Variants in PCED1B observed in about 807,000 individuals in gnomAD.
The protein encoded by PCED1B is PC-esterase domain-containing protein 1B.
For missense variants in PCED1B, 573 were observed against 573.9 expected, an observed-to-expected ratio of 1.00 and a Z score of 0.02; for synonymous variants, 251 against 246.1, an observed-to-expected ratio of 1.02 and a Z score of -0.19.
chr12:47,112,063 C>T (rs1479752728), intron 2 of PCED1B, among the ~76,000 whole-genome samples: 1 of 152,184 alleles, frequency 6.6e-6, no homozygotes, highest in Admixed American at 6.5e-5. Flanking sequence ...CACGCGAGCT[C>T]TGTGCTTGAT....
chr12:47,177,360 T>C (rs182423425), intron 2 of PCED1B, among the ~76,000 whole-genome samples: 25 of 152,286 alleles, frequency 1.6e-4, no homozygotes, highest in African/African-American at 5.8e-4. Flanking sequence ...GAGAGAAATA[T>C]CTCCTCATAT....
At chr12:47,234,598 T>C (rs139472087) in intron 3 of PCED1B, among the ~76,000 whole-genome samples, 97 of 152,314 alleles carry the variant, frequency 6.4e-4, no homozygotes, top group Middle Eastern at 6.8e-3. Context: ...GGGGTCCTCA[T>C]TATCTAACAG....
chr12:47,120,300 A>C (rs1196449870), intron 2 of PCED1B, among the ~76,000 whole-genome samples: 1 of 152,186 alleles, frequency 6.6e-6, no homozygotes, highest in African/African-American at 2.4e-5. Flanking sequence ...ACAAGGAGTA[A>C]CCATATGGTC....
At chr12:47,164,086 G>A (rs893449256) in intron 2 of PCED1B, among the ~76,000 whole-genome samples, 1 of 152,072 alleles carries the variant, frequency 6.6e-6, no homozygotes, top group Non-Finnish European at 1.5e-5. Flanking sequence ...TGCCAAACTG[G>A]GGATCAAATT....
chr12:47,227,862 A>G (rs1387812350), intron 3 of PCED1B, among the ~76,000 whole-genome samples: 1 of 152,012 alleles, frequency 6.6e-6, no homozygotes, highest in African/African-American at 2.4e-5. Context: ...CAAAAAAAAA[A>G]GAAGACATTC....
chr12:47,113,329 A>G (rs890771182), intron 2 of PCED1B, among the ~76,000 whole-genome samples: 2 of 152,228 alleles, frequency 1.3e-5, no homozygotes, highest in Non-Finnish European at 2.9e-5. Flanking sequence ...TTTCTTGAAC[A>G]TATACTATGT....
intron 2 of PCED1B, among the ~76,000 whole-genome samples, chr12:47,211,683 C>T (rs1565603942): frequency 3.7e-5 from 5 of 133,606 alleles, no homozygotes; most frequent in South Asian, 2.4e-4. Context: ...AAAAACTGGG[C>T]GCAGTGGCTC....
At chr12:47,198,626 A>G (rs1942677196) in intron 2 of PCED1B, among the ~76,000 whole-genome samples, 1 of 152,104 alleles carries the variant, frequency 6.6e-6, no homozygotes, top group Non-Finnish European at 1.5e-5. Flanking sequence ...ATTGAGAAGG[A>G]AGAAAGAAAT....
intron 2 of PCED1B, among the ~76,000 whole-genome samples, chr12:47,161,047 A>G (rs746496155): frequency 2.0e-5 from 3 of 152,212 alleles, no homozygotes; most frequent in Non-Finnish European, 4.4e-5. Context: ...TTGCATTGCA[A>G]CACATGCAAC....
intron 3 of PCED1B, among the ~76,000 whole-genome samples, chr12:47,217,350 G>C (rs1943291030): frequency 6.7e-6 from 1 of 150,162 alleles, no homozygotes; most frequent in Non-Finnish European, 1.5e-5. Context: ...AGTGAGCCAT[G>C]ATTTCGCCAC....
chr12:47,149,456 GAGATAAC>G (rs1234576411), intron 2 of PCED1B, among the ~76,000 whole-genome samples: 1 of 152,154 alleles, frequency 6.6e-6, no homozygotes, highest in Non-Finnish European at 1.5e-5. Context: ...TAAGTGATTT[GAGATAAC>G]TGTCTTTTTC....
intron 2 of PCED1B, among the ~76,000 whole-genome samples, chr12:47,207,206 G>A (rs953708998): frequency 2.0e-4 from 31 of 152,206 alleles, no homozygotes; most frequent in Admixed American, 5.9e-4. Flanking sequence ...TAGCCTGAAG[G>A]TGACAGATGG....
intron 2 of PCED1B, among the ~76,000 whole-genome samples, chr12:47,213,251 G>T (rs189358839): frequency 1.9e-4 from 29 of 152,104 alleles, no homozygotes; most frequent in Non-Finnish European, 3.8e-4. Context: ...AGAAGATTTC[G>T]TACCCTAATA....
intron 2 of PCED1B, among the ~76,000 whole-genome samples, chr12:47,168,401 G>T (rs1941613133): frequency 6.6e-6 from 1 of 152,056 alleles, no homozygotes; most frequent in Non-Finnish European, 1.5e-5. Context: ...ATATTTGATT[G>T]TCTCTCTCTT....
chr12:47,196,063 A>G (rs1267362006), intron 2 of PCED1B, among the ~76,000 whole-genome samples: 1 of 152,262 alleles, frequency 6.6e-6, no homozygotes, highest in Non-Finnish European at 1.5e-5. Context: ...AAAATAAATG[A>G]ATTCTTTTAA....
intron 2 of PCED1B, among the ~76,000 whole-genome samples, chr12:47,129,113 T>C (rs1033983004): frequency 2.0e-5 from 3 of 152,234 alleles, no homozygotes; most frequent in African/African-American, 7.2e-5. Context: ...CTACCAGCCT[T>C]CTGCTTTCTG....
At chr12:47,203,295 A>T (rs1942822912) in intron 2 of PCED1B, among the ~76,000 whole-genome samples, 2 of 151,876 alleles carry the variant, frequency 1.3e-5, no homozygotes, top group African/African-American at 4.8e-5. Context: ...TTAATTTTTT[A>T]AAATTTTTTA....
chr12:47,116,899 A>G (rs941865127), intron 2 of PCED1B, among the ~76,000 whole-genome samples: 11 of 152,240 alleles, frequency 7.2e-5, no homozygotes, highest in African/African-American at 2.7e-4. Flanking sequence ...GCACAATTCA[A>G]TGGTTTTTAG....
chr12:47,174,032 C>A (rs145134366), intron 2 of PCED1B, among the ~76,000 whole-genome samples: 2 of 152,138 alleles, frequency 1.3e-5, no homozygotes, highest in Non-Finnish European at 2.9e-5. Flanking sequence ...GTAATCCCAG[C>A]ACTTTGGAAA....
Sources: allele counts gnomAD v4.1 joint callset (sites outside exome capture counted in the v4.1 genomes callset), GRCh38; gene constraint gnomAD v4.1.1; transcripts MANE v1.5; gene names NCBI Gene and HGNC (gene_info 2026-07-23, HGNC 2026-07-21).